The following CHST8 variants were observed in gnomAD, a reference collection of about 807,000 sequenced individuals.
The protein encoded by CHST8 is GALNAC-4-ST1.
Under a neutral mutation model 15.0 loss-of-function variants are expected in CHST8, and 10 were observed. The ratio of observed to expected loss-of-function variants is 0.67; its 90% CI spans 0.41 to 1.13. The LOEUF is 1.13. Among genes scored for constraint, CHST8 ranks in the 50% most tolerant of loss-of-function variants. CHST8 has a pLI of 0.00. For missense variants in CHST8, 634 were observed against 608.2 expected (o/e 1.04, Z -0.45); for synonymous variants, 259 against 256.6 (o/e 1.01, Z -0.09).
intron 3 of CHST8, among the ~76,000 whole-genome samples, chr19:33,748,674 G>A (rs1314871819): frequency 1.3e-5 from 2 of 152,188 alleles, no homozygotes; most frequent in African/African-American, 4.8e-5. Flanking sequence ...TCTATTGCAG[G>A]AGACGCACAC....
At chr19:33,760,985 G>A (rs1215016023) in intron 3 of CHST8, among the ~76,000 whole-genome samples, 1 of 152,228 alleles carries the variant, frequency 6.6e-6, no homozygotes, top group Non-Finnish European at 1.5e-5. Context: ...TCAATGTGAA[G>A]TGAATGGATA....
At chr19:33,767,131 G>A (rs142124273) in intron 3 of CHST8, among the ~76,000 whole-genome samples, 6 of 152,332 alleles carry the variant, frequency 3.9e-5, no homozygotes, top group Admixed American at 6.5e-5. Flanking sequence ...CAATGCAGCC[G>A]TCATTCTCCC....
intron 3 of CHST8, among the ~76,000 whole-genome samples, chr19:33,695,967 A>G (rs985471731): frequency 1.3e-5 from 2 of 151,642 alleles, no homozygotes; most frequent in African/African-American, 4.9e-5. Context: ...CTGGGATTAC[A>G]GGTGCCCACC....
At chr19:33,704,183 T>C (rs970055964) in intron 3 of CHST8, among the ~76,000 whole-genome samples, 2 of 152,206 alleles carry the variant, frequency 1.3e-5, no homozygotes, top group Admixed American at 1.3e-4. Context: ...GCAGGGATGA[T>C]GATCCGTGAG....
intron 3 of CHST8, among the ~76,000 whole-genome samples, chr19:33,757,889 T>C (rs1023942859): frequency 3.3e-5 from 5 of 152,132 alleles, no homozygotes; most frequent in African/African-American, 1.2e-4. Context: ...AAGAAGCTGG[T>C]GTAATCCTCA....
At chr19:33,652,182 T>G (rs1972456944) in intron 1 of CHST8, among the ~76,000 whole-genome samples, 1 of 152,102 alleles carries the variant, frequency 6.6e-6, no homozygotes, top group Admixed American at 6.6e-5. Flanking sequence ...ATCAATGCTT[T>G]TTTTTGGCCT....
intron 1 of CHST8, among the ~76,000 whole-genome samples, chr19:33,642,705 A>C (rs1291083389): frequency 6.6e-6 from 1 of 152,256 alleles, no homozygotes. Context: ...TTGCAAGAGC[A>C]AAAAGAAGAT....
intron 3 of CHST8, among the ~76,000 whole-genome samples, chr19:33,743,067 G>T (rs1030656483): frequency 6.6e-6 from 1 of 151,500 alleles, no homozygotes; most frequent in Non-Finnish European, 1.5e-5. Context: ...ATATAGGCTG[G>T]TGGCCCTCTG....
intron 3 of CHST8, among the ~76,000 whole-genome samples, chr19:33,753,162 A>T (rs417253): frequency 2.0e-5 from 3 of 151,714 alleles, no homozygotes; most frequent in African/African-American, 7.3e-5. Flanking sequence ...TGCCCGTGGG[A>T]ACGGCACAGC....
At chr19:33,764,653 C>T (rs141297881) in intron 3 of CHST8, among the ~76,000 whole-genome samples, 6 of 152,240 alleles carry the variant, frequency 3.9e-5, no homozygotes, top group African/African-American at 1.2e-4. Context: ...GGGTCTTTGC[C>T]GATGTAATCA....
intron 3 of CHST8, among the ~76,000 whole-genome samples, chr19:33,765,561 G>GTGTGTGTC (rs1280901510): frequency 0.021 from 2,939 of 136,954 alleles, 13 homozygotes; most frequent in Non-Finnish European, 0.027. Flanking sequence ...GTGTCAGAGA[G>GTGTGTGTC]AGAGAGAGAG....
intron 3 of CHST8, among the ~76,000 whole-genome samples, chr19:33,696,936 G>A (rs1316670741): frequency 1.3e-5 from 2 of 151,886 alleles, no homozygotes; most frequent in South Asian, 2.1e-4. Flanking sequence ...TGCCTCCCGG[G>A]TTCAAGCGAT....
chr19:33,722,057 C>G (rs967100340), intron 3 of CHST8, among the ~76,000 whole-genome samples: 9 of 131,804 alleles, frequency 6.8e-5, no homozygotes, highest in East Asian at 2.4e-4. Context: ...GGTAGACAGA[C>G]TGATGGATGA....
At chr19:33,723,085 A>G (rs1973831048) in intron 3 of CHST8, among the ~76,000 whole-genome samples, 1 of 152,048 alleles carries the variant, frequency 6.6e-6, no homozygotes, top group East Asian at 1.9e-4. Flanking sequence ...TCCACTCCCT[A>G]TGCGTGATCC....
chr19:33,645,244 G>A (rs999092656), intron 1 of CHST8, among the ~76,000 whole-genome samples: 3 of 152,216 alleles, frequency 2.0e-5, no homozygotes, highest in South Asian at 2.1e-4. Context: ...GTGTGGGGGC[G>A]GGGGACAGAG....
intron 3 of CHST8, among the ~76,000 whole-genome samples, chr19:33,715,977 A>G (rs1170177648): frequency 2.0e-5 from 3 of 152,212 alleles, no homozygotes; most frequent in Admixed American, 1.3e-4. Context: ...AACACATGCA[A>G]TGTTGCAAGC....
intron 3 of CHST8, among the ~76,000 whole-genome samples, chr19:33,735,437 C>T (rs925254455): frequency 6.6e-6 from 1 of 152,236 alleles, no homozygotes; most frequent in African/African-American, 2.4e-5. Context: ...CTTCTCCCGA[C>T]TGCCCACTGC....
At chr19:33,690,532 T>C (rs572860592) in intron 3 of CHST8, among the ~76,000 whole-genome samples, 66 of 152,292 alleles carry the variant, frequency 4.3e-4, no homozygotes, top group African/African-American at 1.5e-3. Flanking sequence ...GCCCTGGGTC[T>C]GGCAGCTGCC....
At chr19:33,698,665 AGAT>A (rs1175464487) in intron 3 of CHST8, among the ~76,000 whole-genome samples, 2 of 152,066 alleles carry the variant, frequency 1.3e-5, no homozygotes, top group Non-Finnish European at 2.9e-5. Context: ...CAGATGTGCC[AGAT>A]GGGGAGAGGT....
Sources: allele counts gnomAD v4.1 joint callset (sites outside exome capture counted in the v4.1 genomes callset), GRCh38; gene constraint gnomAD v4.1.1; transcripts MANE v1.5; gene names NCBI Gene and HGNC (gene_info 2026-07-23, HGNC 2026-07-21).